Variants in DNAH9 observed in about 807,000 individuals in gnomAD.
DNAH9 encodes DNAH9 variant protein.
In DNAH9, 345 loss-of-function variants were observed where a neutral mutation model predicts 471.6. That is an observed-to-expected ratio of 0.73 (90% confidence interval 0.67 to 0.80). The LOEUF (loss-of-function observed/expected upper bound fraction) is 0.80, where lower values mean the gene tolerates loss of function less well. Among genes scored for constraint, DNAH9 ranks in the 30% least tolerant of loss-of-function variants. The probability of loss-of-function intolerance (pLI) is 0.00; values close to 1 mark genes in which losing one functional copy is unlikely to be tolerated. For missense variants in DNAH9, 5,407 were observed against 5,609.2 expected, an observed-to-expected ratio of 0.96 and a Z score of 1.15; for synonymous variants, 2,093 against 2,123.6, an observed-to-expected ratio of 0.99 and a Z score of 0.40.
At chr17:11,670,923 G>C (rs749379978) in intron 17 of DNAH9, among the ~76,000 whole-genome samples, 2 of 152,148 alleles carry the variant, frequency 1.3e-5, no homozygotes, top group Non-Finnish European at 2.9e-5. Context: ...GGCTGGTCTT[G>C]AACTCCTGAC....
intron 32 of DNAH9, among the ~76,000 whole-genome samples, chr17:11,750,731 T>C (rs553125326): frequency 1.3e-5 from 2 of 152,116 alleles, no homozygotes; most frequent in Admixed American, 6.5e-5. Context: ...ATAAAAAAAA[T>C]ACTTCATACA....
At chr17:11,608,032 G>A in intron 1 of DNAH9, 97 bp from the exon 2 acceptor site, 1 of 918,152 alleles carries the variant, frequency 1.1e-6, no homozygotes, top group Non-Finnish European at 1.7e-6. Flanking sequence ...CCTGCAAAAG[G>A]TTGTATATAG....
intron 32 of DNAH9, 30 bp from the exon 33 acceptor site, chr17:11,752,803 G>C (rs1289673835): frequency 6.6e-6 from 10 of 1,518,796 alleles, no homozygotes; most frequent in Admixed American, 4.2e-5. Flanking sequence ...ATGAAGAAAT[G>C]GAAAATAAGG....
intron 19 of DNAH9, among the ~76,000 whole-genome samples, chr17:11,682,915 A>G (rs759031264): frequency 2.6e-5 from 4 of 152,182 alleles, no homozygotes; most frequent in Admixed American, 2.6e-4. Flanking sequence ...CTTGTTCCAA[A>G]GAATCATCTG....
intron 49 of DNAH9, among the ~76,000 whole-genome samples, chr17:11,849,800 C>A (rs1597731013): frequency 6.6e-6 from 1 of 152,240 alleles, no homozygotes; most frequent in East Asian, 1.9e-4. Flanking sequence ...GTCTCCCCCA[C>A]CTGAATGAGC....
chr17:11,699,603 C>T, intron 22 of DNAH9, 128 bp from the exon 23 acceptor site: 2 of 777,602 alleles, frequency 2.6e-6, no homozygotes, highest in Non-Finnish European at 4.3e-6. Flanking sequence ...CACAAACTTC[C>T]TTCTAAATGC....
intron 27 of DNAH9, among the ~76,000 whole-genome samples, chr17:11,720,391 C>CT (rs2075035873): frequency 6.6e-6 from 1 of 152,030 alleles, no homozygotes; most frequent in Non-Finnish European, 1.5e-5. Flanking sequence ...AATGCTATCC[C>CT]TCCCCGCTTC....
chr17:11,657,566 C>T (rs2073675941), intron 14 of DNAH9, among the ~76,000 whole-genome samples: 1 of 151,948 alleles, frequency 6.6e-6, no homozygotes, highest in African/African-American at 2.4e-5. Context: ...TGTGTGATTT[C>T]CCTTTTCTCC....
intron 9 of DNAH9, among the ~76,000 whole-genome samples, chr17:11,637,770 TAAA>T (rs143090939): frequency 0.1 from 15,737 of 151,656 alleles, 1,790 homozygotes; most frequent in African/African-American, 0.29. Flanking sequence ...GAAAAGAAAA[TAAA>T]GAAGAAGAGA....
Position 11,961,928 on chromosome 17 carries a change from T to C in DNAH9, c.12905T>C (p.Val4302Ala). ...NLQNALYFDMVPESWARRAYP... is the reference protein window; with the variant it reads ...NLQNALYFDMAPESWARRAYP... ...CAGAATGCCCTGTACTTCGATATGG[T>C]GCCAGAGTCCTGGGCTAGACGAGCC... Residue 4302 changes from valine to alanine, a missense_variant, in exon 68 of 69, where the codon GTG becomes GCG. Coordinates refer to ENST00000262442, the MANE Select transcript of DNAH9 (RefSeq NM_001372.4). 2 of 1,614,164 alleles carry C rather than the reference T, an allele frequency of 1.2e-6. No individual in the cohort carries two copies. The highest frequency in any genetic ancestry group is 1.7e-6 in the Non-Finnish European group (2 of 1,180,028).
rs1404986645 is a variant in DNAH9, at chr17:11,606,443, C to CTTTTTTTTTT, written c.418-1682_418-1681insTTTTTTTTTT. 3.5e-3 allele frequency among the ~76,000 whole-genome samples: 240 copies of CTTTTTTTTTT among 69,112 alleles called. 34 individuals are homozygous for CTTTTTTTTTT. The highest frequency in any genetic ancestry group is 0.011 in the African/African-American group (195 of 18,018). 45.3% of individuals were successfully genotyped at this position (69,112 alleles called of 152,430 possible). A position where few individuals can be genotyped will look rare whatever the true frequency, so the allele number is the denominator to read the frequency against. On this transcript the variant is annotated intron_variant, in intron 1 of 68. Transcript: ENST00000262442. ...CTGACAACTTTCTTTCTTTTCTTTT[C>CTTTTTTTTTT]TTTTCTTTTCTTTTTTTTTTTTTTG... is the stretch of plus-strand genomic sequence containing the variant.
intron 9 of DNAH9, among the ~76,000 whole-genome samples, chr17:11,637,469 G>A (rs760487601): frequency 6.6e-5 from 10 of 152,092 alleles, no homozygotes; most frequent in Admixed American, 2.6e-4. Context: ...GCGATGGTGC[G>A]AACCCCTAGT....
chr17:11,880,921 C>A (rs1305804712), intron 54 of DNAH9, among the ~76,000 whole-genome samples: 1 of 152,154 alleles, frequency 6.6e-6, no homozygotes, highest in Non-Finnish European at 1.5e-5. Context: ...CACTTCACTG[C>A]CATCTGCTGG....
chr17:11,947,770 C>CTTTTTTTTTTTTTTTTTTTTTTTT (rs1567569867), intron 67 of DNAH9, among the ~76,000 whole-genome samples: 1 of 98,554 alleles, frequency 1.0e-5, no homozygotes, highest in African/African-American at 3.7e-5. Flanking sequence ...GGGCTGGGAA[C>CTTTTTTTTTTTTTTTTTTTTTTTT]TATTTTTTTT....
chr17:11,731,725 G>T (rs1199399244), intron 28 of DNAH9, among the ~76,000 whole-genome samples: 3 of 152,040 alleles, frequency 2.0e-5, no homozygotes, highest in Admixed American at 6.5e-5. Context: ...CAAAGGACAT[G>T]AACTCATCAT....
At chr17:11,696,049 T>G (rs1332742896) in intron 22 of DNAH9, among the ~76,000 whole-genome samples, 1 of 152,218 alleles carries the variant, frequency 6.6e-6, no homozygotes, top group Non-Finnish European at 1.5e-5. Context: ...GATGTATCCT[T>G]GCCTCCTCTG....
chr17:11,849,303 C>G (rs959746590), intron 49 of DNAH9, among the ~76,000 whole-genome samples: 1 of 152,202 alleles, frequency 6.6e-6, no homozygotes, highest in African/African-American at 2.4e-5. Context: ...CTCATCCACT[C>G]TCCCCTGCCA....
In DNAH9 at chr17:11,768,433, G is replaced by C. The variant is rs571232096; in HGVS notation, c.7171-20G>C. ...TGAGTTCTGGAGGACCTTGTCCCCT[G>C]ACTGTCTTTGTTTTTGCAGCTTGTG... On this transcript the variant is annotated intron_variant, in intron 36 of 68. Transcript: ENST00000262442. The C allele has an allele frequency of 1.2e-6, 2 of 1,608,366 alleles. No individual in the cohort carries two copies. Among genetic ancestry groups the C allele is most frequent in the African/African-American group, 1.3e-5 (1 of 74,806 alleles).
chr17:11,631,963 A>G (rs2073076737), intron 7 of DNAH9, among the ~76,000 whole-genome samples: 1 of 142,818 alleles, frequency 7.0e-6, no homozygotes, highest in African/African-American at 2.8e-5. Flanking sequence ...GATAAACTAC[A>G]CTAATTTGGA....
Sources: gnomAD v4.1 joint callset for allele counts (sites outside exome capture counted in the v4.1 genomes callset) on GRCh38, gnomAD v4.1.1 for gene constraint, MANE v1.5 for transcripts, NCBI Gene and HGNC (gene_info 2026-07-23, HGNC 2026-07-21) for gene names.